The following RIT2 variants were observed in gnomAD, a reference collection of about 807,000 sequenced individuals.
RIT2 encodes the protein GTP-binding protein Rit2.
RIT2 carries 24 observed loss-of-function variants against 23.7 expected under a neutral mutation model. The observed-to-expected ratio is 1.01, with a 90% CI of 0.73 to 1.43. The LOEUF is 1.43. RIT2 is among the 40% of genes most tolerant of loss of function. RIT2 has a pLI of 0.00. For synonymous variants in RIT2, 107 were observed against 91.1 expected (o/e 1.17, Z -0.99); for missense variants, 236 against 266.9 (o/e 0.88, Z 0.81).
intron 1 of RIT2, among the ~76,000 whole-genome samples, chr18:43,044,332 C>T: frequency 6.6e-6 from 1 of 152,158 alleles, no homozygotes; most frequent in East Asian, 1.9e-4. Context: ...AGAAGTTCTC[C>T]TCTGTTTTCT....
At chr18:42,815,848 A>G (rs1905979968) in intron 4 of RIT2, among the ~76,000 whole-genome samples, 1 of 152,184 alleles carries the variant, frequency 6.6e-6, no homozygotes, top group Non-Finnish European at 1.5e-5. Flanking sequence ...TAGTAACTAC[A>G]TTTTATTTGA....
At chr18:43,074,739 C>G (rs574770409) in intron 1 of RIT2, among the ~76,000 whole-genome samples, 1 of 152,290 alleles carries the variant, frequency 6.6e-6, no homozygotes, top group East Asian at 1.9e-4. Context: ...AGATCATGTC[C>G]TTTGCAGGGA....
chr18:42,807,267 T>C (rs1322468128), intron 4 of RIT2, among the ~76,000 whole-genome samples: 2 of 152,336 alleles, frequency 1.3e-5, no homozygotes, highest in East Asian at 3.9e-4. Context: ...ACTCATTTCA[T>C]ACATTTTAAG....
At chr18:42,896,006 T>C (rs975355547) in intron 4 of RIT2, among the ~76,000 whole-genome samples, 1 of 152,218 alleles carries the variant, frequency 6.6e-6, no homozygotes, top group Non-Finnish European at 1.5e-5. Context: ...TTTTCACGCC[T>C]GTAATCCTGG....
chr18:43,070,237 A>G (rs1912867606), intron 1 of RIT2, among the ~76,000 whole-genome samples: 1 of 152,210 alleles, frequency 6.6e-6, no homozygotes, highest in Non-Finnish European at 1.5e-5. Context: ...AATATGGGTT[A>G]GAGGAATTGG....
chr18:42,860,286 AGTT>A (rs1264729529), intron 4 of RIT2, among the ~76,000 whole-genome samples: 4 of 152,176 alleles, frequency 2.6e-5, no homozygotes, highest in African/African-American at 9.7e-5. Flanking sequence ...TTTCTAAGAC[AGTT>A]GTTTTAAGAC....
At chr18:42,881,011 G>C (rs1907878743) in intron 4 of RIT2, among the ~76,000 whole-genome samples, 1 of 151,856 alleles carries the variant, frequency 6.6e-6, no homozygotes, top group Non-Finnish European at 1.5e-5. Context: ...TCTCCATGTT[G>C]GTCAGACTTG....
intron 4 of RIT2, among the ~76,000 whole-genome samples, chr18:42,826,344 G>A (rs1463960761): frequency 6.6e-6 from 1 of 151,954 alleles, no homozygotes; most frequent in African/African-American, 2.4e-5. Context: ...GGGATTGTTA[G>A]GTTTATCTCA....
intron 4 of RIT2, among the ~76,000 whole-genome samples, chr18:42,879,463 CTATTA>C (rs1410337088): frequency 1.3e-5 from 2 of 151,994 alleles, no homozygotes; most frequent in East Asian, 3.9e-4. Flanking sequence ...TTCATTGTTG[CTATTA>C]TATTATACAA....
At chr18:43,029,805 C>A (rs1911814210) in intron 2 of RIT2, among the ~76,000 whole-genome samples, 1 of 151,902 alleles carries the variant, frequency 6.6e-6, no homozygotes, top group Admixed American at 6.6e-5. Flanking sequence ...AAATGATTGG[C>A]ATTAGCACAA....
chr18:42,895,490 T>A (rs1475948217), intron 4 of RIT2, among the ~76,000 whole-genome samples: 1 of 152,190 alleles, frequency 6.6e-6, no homozygotes, highest in African/African-American at 2.4e-5. Flanking sequence ...GTTCTATCGA[T>A]CTCCAAATTT....
At chr18:42,762,368 G>A (rs1470772542) in intron 4 of RIT2, among the ~76,000 whole-genome samples, 2 of 152,138 alleles carry the variant, frequency 1.3e-5, no homozygotes, top group African/African-American at 4.8e-5. Context: ...AGAAAAATGA[G>A]TATATGGTTC....
intron 4 of RIT2, among the ~76,000 whole-genome samples, chr18:42,889,743 A>G (rs924421575): frequency 2.6e-5 from 4 of 152,144 alleles, no homozygotes; most frequent in Admixed American, 1.3e-4. Flanking sequence ...ATATAATCAC[A>G]GAAGATAAAC....
At chr18:43,073,074 A>T (rs1912934109) in intron 1 of RIT2, among the ~76,000 whole-genome samples, 1 of 152,180 alleles carries the variant, frequency 6.6e-6, no homozygotes, top group Non-Finnish European at 1.5e-5. Flanking sequence ...TAGAAATGTA[A>T]CAATAACTTA....
intron 2 of RIT2, among the ~76,000 whole-genome samples, chr18:42,990,063 A>G (rs1017953004): frequency 8.6e-5 from 13 of 151,822 alleles, no homozygotes; most frequent in Non-Finnish European, 1.8e-4. Flanking sequence ...TGTAAGGAAT[A>G]CAATAATGGA....
intron 3 of RIT2, 91 bp from the exon 4 acceptor site, chr18:42,923,854 T>C: frequency 1.9e-6 from 2 of 1,026,792 alleles, no homozygotes; most frequent in Non-Finnish European, 2.8e-6. Flanking sequence ...AATTTGAATG[T>C]TTTAAACTAT....
chr18:43,108,295 T>C (rs144964404), intron 1 of RIT2, among the ~76,000 whole-genome samples: 1,737 of 152,222 alleles, frequency 0.011, 35 homozygotes, highest in African/African-American at 0.039. Flanking sequence ...GACATCCATA[T>C]GTAGGCACAT....
chr18:42,865,639 G>C (rs1598689952), intron 4 of RIT2, among the ~76,000 whole-genome samples: 2 of 152,072 alleles, frequency 1.3e-5, no homozygotes, highest in South Asian at 4.1e-4. Flanking sequence ...AGAAATTGAA[G>C]TTTTAAGAAG....
At chr18:43,094,855 C>T (rs1275417687) in intron 1 of RIT2, among the ~76,000 whole-genome samples, 1 of 151,790 alleles carries the variant, frequency 6.6e-6, no homozygotes, top group Non-Finnish European at 1.5e-5. Context: ...ATGATGGTTT[C>T]CAGCTTCATC....
Sources: gnomAD v4.1 joint callset for allele counts (sites outside exome capture counted in the v4.1 genomes callset) on GRCh38, gnomAD v4.1.1 for gene constraint, MANE v1.5 for transcripts, NCBI Gene and HGNC (gene_info 2026-07-23, HGNC 2026-07-21) for gene names.